Variants in CNBD1 observed in about 807,000 individuals in gnomAD.
The protein encoded by CNBD1 is cyclic nucleotide binding domain containing 1, also known as cyclic nucleotide-binding domain-containing protein 1.
In CNBD1, 71 loss-of-function variants were observed where a neutral mutation model predicts 54.4. The observed-to-expected ratio is 1.30, with a 90% CI of 1.08 to 1.59. The LOEUF (loss-of-function observed/expected upper bound fraction) is 1.59. Among genes scored for constraint, CNBD1 ranks in the 40% most tolerant of loss-of-function variants. The pLI is 0.00. For synonymous variants in CNBD1, 182 were observed against 170.7 expected, an observed-to-expected ratio of 1.07 and a Z score of -0.51; for missense variants, 659 against 518.0, an observed-to-expected ratio of 1.27 and a Z score of -2.64.
At chr8:87,350,007 T>C (rs1810251823) in intron 8 of CNBD1, among the ~76,000 whole-genome samples, 1 of 152,222 alleles carries the variant, frequency 6.6e-6, no homozygotes, top group Admixed American at 6.5e-5. Flanking sequence ...TTAAAAATAA[T>C]GGATTTCTTT....
At chr8:86,873,835 T>C (rs1010752367) in intron 1 of CNBD1, among the ~76,000 whole-genome samples, 2 of 152,222 alleles carry the variant, frequency 1.3e-5, no homozygotes, top group African/African-American at 4.8e-5. Flanking sequence ...CTTACAGATG[T>C]TGGAAGTTCA....
Position 87,134,584 on chromosome 8 carries a change from A to G in CNBD1, c.432-71409A>G, listed in dbSNP as rs1812186568. Among the ~76,000 whole-genome samples the G allele has an allele frequency of 2.8e-5, 4 of 142,518 alleles. No individual in the cohort carries two copies. The South Asian group carries it at 9.0e-4, about 32-fold the overall frequency. 93.5% of individuals were successfully genotyped at this position (142,518 alleles called of 152,430 possible). On this transcript the variant is annotated intron_variant, in intron 4 of 10. Coordinates refer to ENST00000518476, the MANE Select transcript of CNBD1 (RefSeq NM_173538.3). ...TTAAAATTCAGATTCACCTTTGTTA[A>G]TTAGATTACCTTTTTTTTTTTTTTT...
intron 4 of CNBD1, among the ~76,000 whole-genome samples, chr8:87,048,337 A>G (rs73693003): frequency 0.013 from 1,937 of 152,302 alleles, 36 homozygotes; most frequent in African/African-American, 0.043. Flanking sequence ...GGCCAACCAC[A>G]CATTATTTCA....
intron 6 of CNBD1, among the ~76,000 whole-genome samples, chr8:87,243,194 A>G (rs972547876): frequency 2.0e-5 from 3 of 152,234 alleles, no homozygotes; most frequent in African/African-American, 4.8e-5. Context: ...TCAGATATCT[A>G]GAGAAAATTC....
chr8:86,999,618 C>T (rs571429469), intron 4 of CNBD1, among the ~76,000 whole-genome samples: 1 of 152,232 alleles, frequency 6.6e-6, no homozygotes, highest in South Asian at 2.1e-4. Flanking sequence ...CTGCCCTTCC[C>T]CCGGTTGAGA....
rs147376122 is a variant in CNBD1 at position 87,200,235 on chromosome 8, A to G, written c.432-5758A>G. On this transcript the variant is annotated intron_variant, in intron 4 of 10. Transcript: ENST00000518476. ...CCTCCCAACCTGAGGGAAACTGTTA[A>G]TCTACTCACAGAAGAAATCAGTGAA... is the stretch of plus-strand genomic sequence containing the variant. Among the ~76,000 whole-genome samples the G allele has an allele frequency of 1.9e-3, 283 of 152,242 alleles. 5 individuals are homozygous for G. The Middle Eastern group carries it at 0.044, about 24-fold the overall frequency.
chr8:87,060,210 C>G (rs1385156246), intron 4 of CNBD1, among the ~76,000 whole-genome samples: 1 of 152,154 alleles, frequency 6.6e-6, no homozygotes, highest in Non-Finnish European at 1.5e-5. Flanking sequence ...AAACCATGAG[C>G]AGAGGATCCA....
At chr8:87,349,231 A>G (rs10086047) in intron 8 of CNBD1, among the ~76,000 whole-genome samples, 1,614 of 152,314 alleles carry the variant, frequency 0.011, 37 homozygotes, top group African/African-American at 0.037. Flanking sequence ...TTATCTTGAC[A>G]GCATAAGTTC....
At chr8:86,867,205 C>T (rs1487600637) in intron 1 of CNBD1, among the ~76,000 whole-genome samples, 1 of 151,268 alleles carries the variant, frequency 6.6e-6, no homozygotes, top group Admixed American at 6.6e-5. Context: ...GTAAACACTT[C>T]TCATGGCCAT....
intron 4 of CNBD1, among the ~76,000 whole-genome samples, chr8:87,188,556 C>G (rs1053869100): frequency 1.3e-5 from 2 of 151,732 alleles, no homozygotes; most frequent in Non-Finnish European, 2.9e-5. Flanking sequence ...ATGGCGAAAC[C>G]CCATCTCTAC....
chr8:87,110,820 A>G (rs1244750724), intron 4 of CNBD1, among the ~76,000 whole-genome samples: 1 of 152,254 alleles, frequency 6.6e-6, no homozygotes, highest in Non-Finnish European at 1.5e-5. Context: ...GTGAATGTAA[A>G]CTGTTTTTAA....
At chr8:87,045,680 G>C (rs1486001526) in intron 4 of CNBD1, among the ~76,000 whole-genome samples, 7 of 146,524 alleles carry the variant, frequency 4.8e-5, no homozygotes, top group African/African-American at 1.8e-4. Flanking sequence ...AGCTAAGATT[G>C]CGCCACTGCA....
intron 5 of CNBD1, among the ~76,000 whole-genome samples, chr8:87,219,343 C>T (rs1814276130): frequency 6.6e-6 from 1 of 151,900 alleles, no homozygotes; most frequent in Admixed American, 6.6e-5. Flanking sequence ...TAAATGAAAA[C>T]AGACTCTCAT....
intron 8 of CNBD1, among the ~76,000 whole-genome samples, chr8:87,346,704 A>C (rs919139965): frequency 6.6e-6 from 1 of 152,154 alleles, no homozygotes; most frequent in Non-Finnish European, 1.5e-5. Flanking sequence ...CATGTATTTC[A>C]TTGAGAGTTT....
intron 4 of CNBD1, among the ~76,000 whole-genome samples, chr8:87,156,979 CA>C (rs1812755767): frequency 6.6e-6 from 1 of 152,048 alleles, no homozygotes; most frequent in African/African-American, 2.4e-5. Flanking sequence ...AAATTAGCAC[CA>C]ATCAAAACTT....
At position 87,290,796 on chromosome 8, in the gene CNBD1, C is replaced by A. The variant is rs1033379722; in HGVS notation, c.1042+4125C>A. Among the ~76,000 whole-genome samples, 9 of 152,244 alleles carry A rather than the reference C, an allele frequency of 5.9e-5. No individual in the cohort carries two copies. In the Middle Eastern group the frequency reaches 0.01, roughly 173 times the overall value. On this transcript the variant is annotated intron_variant, in intron 8 of 10. Coordinates refer to ENST00000518476, the MANE Select transcript of CNBD1 (RefSeq NM_173538.3). ...TAAGTTAAAAATGCAATCCCACTTT[C>A]TTCTGGCTTCTATTGTTTCTGATGT...
intron 8 of CNBD1, among the ~76,000 whole-genome samples, chr8:87,301,591 A>G (rs1808994066): frequency 6.6e-6 from 1 of 152,178 alleles, no homozygotes; most frequent in African/African-American, 2.4e-5. Context: ...ACGCAAGTCA[A>G]TAAATGTGAT....
intron 8 of CNBD1, among the ~76,000 whole-genome samples, chr8:87,327,816 T>G (rs1037983435): frequency 1.3e-5 from 2 of 152,206 alleles, no homozygotes; most frequent in African/African-American, 4.8e-5. Flanking sequence ...TTCGGCCATC[T>G]TGGCTCCTCC....
At chr8:87,023,719 A>G (rs1047157182) in intron 4 of CNBD1, among the ~76,000 whole-genome samples, 1 of 152,190 alleles carries the variant, frequency 6.6e-6, no homozygotes, top group Non-Finnish European at 1.5e-5. Context: ...CCTAACCACT[A>G]TCTTAATGAG....
Sources: allele counts gnomAD v4.1 joint callset (sites outside exome capture counted in the v4.1 genomes callset), GRCh38; gene constraint gnomAD v4.1.1; transcripts MANE v1.5; gene names NCBI Gene and HGNC (gene_info 2026-07-23, HGNC 2026-07-21).